F7: variants seen among roughly 807,000 people sequenced by gnomAD.
F7 encodes the protein FVII coagulation protein.
In F7, 38 loss-of-function variants were observed where a neutral mutation model predicts 47.5. The observed-to-expected ratio is 0.80, with a 90% CI of 0.62 to 1.05. F7 has a LOEUF of 1.05. F7 is among the 50% of genes least tolerant of loss of function. The probability of loss-of-function intolerance (pLI) is 0.00; values close to 1 mark genes in which losing one functional copy is unlikely to be tolerated. For synonymous variants in F7, 244 were observed against 258.5 expected (o/e 0.94, Z 0.54); for missense variants, 575 against 605.4 (o/e 0.95, Z 0.53).
chr13:113,109,995 G>T (rs1417160307), intron 1 of F7, among the ~76,000 whole-genome samples: 1 of 152,204 alleles, frequency 6.6e-6, no homozygotes, highest in Non-Finnish European at 1.5e-5. Flanking sequence ...AACCGTCGGG[G>T]TTACGGAGGG....
chr13:113,113,802 T>G lies in F7; in HGVS notation c.250+26T>G. ...GTGAGTGGATGATCACCACCAGTCC[T>G]GCCTGCAACCCTTCTCAGCTTACTG... On this transcript the variant is annotated intron_variant, in intron 3 of 7. Coordinates refer to ENST00000346342, the MANE Select transcript of F7 (RefSeq NM_019616.4). The surrounding 1 kb of genome is among the most constrained non-coding windows in gnomAD (Gnocchi z 4.1). 1 of 1,614,198 alleles carries G rather than the reference T, an allele frequency of 6.2e-7. No individual in the cohort carries two copies. The highest frequency in any genetic ancestry group is 8.5e-7 in the Non-Finnish European group (1 of 1,180,022).
intron 2 of F7, among the ~76,000 whole-genome samples, chr13:113,111,085 G>C (rs1310284196): frequency 6.6e-6 from 1 of 152,222 alleles, no homozygotes; most frequent in Non-Finnish European, 1.5e-5. Context: ...GCGCATGCCG[G>C]TTTTCACATC....
intron 2 of F7, among the ~76,000 whole-genome samples, chr13:113,111,327 G>A (rs947158950): frequency 6.6e-6 from 1 of 152,010 alleles, no homozygotes; most frequent in Non-Finnish European, 1.5e-5. Flanking sequence ...TCACGCTCAC[G>A]GGTCACCTCA....
intron 2 of F7, among the ~76,000 whole-genome samples, chr13:113,112,699 A>G (rs956297580): frequency 1.2e-4 from 17 of 138,708 alleles, no homozygotes; most frequent in African/African-American, 4.1e-4. Context: ...AGGACAACTC[A>G]CAGAGGTCAC....
intron 2 of F7, among the ~76,000 whole-genome samples, chr13:113,112,769 G>A (rs1364764833): frequency 6.9e-6 from 1 of 144,072 alleles, no homozygotes; most frequent in South Asian, 2.3e-4. Flanking sequence ...ACACTCATAG[G>A]TCACCTCAGT....
In F7 at chr13:113,117,571, C is replaced by G; in HGVS notation, c.714C>G (p.Asn238Lys). Reference protein sequence around the residue: ...SAAHCFDKIKNWRNLIAVLGE... With the variant: ...SAAHCFDKIKKWRNLIAVLGE... ...CCCACTGTTTCGACAAAATCAAGAA[C>G]TGGAGGAACCTGATCGCGGTGCTGG... The change falls in exon 7 of 8, where the codon AAC (asparagine) becomes AAG (lysine). Residue 238 changes from asparagine to lysine, a missense_variant. Physicochemically the swap from Asn to Lys is moderately conservative, Grantham distance 94. Transcript: ENST00000346342. The G allele has an allele frequency of 1.2e-6, 2 of 1,614,142 alleles. No individual in the cohort carries two copies. Among genetic ancestry groups the G allele is most frequent in the Non-Finnish European group, 1.7e-6 (2 of 1,180,018 alleles).
At chr13:113,117,617 T>C in intron 7 of F7, 21 bp downstream of exon 7, 1 of 1,510,032 alleles carries the variant, frequency 6.6e-7, no homozygotes, top group East Asian at 2.6e-5. Context: ...CTCTCCCCTG[T>C]CCGACCGCGG....
chr13:113,116,494 C>T (rs995104051), intron 5 of F7, among the ~76,000 whole-genome samples: 9 of 152,368 alleles, frequency 5.9e-5, no homozygotes, highest in African/African-American at 2.4e-5. Flanking sequence ...GGTTTTAAGA[C>T]GTAAGCCCTC....
Position 113,116,878 on chromosome 13 carries a change from A to G in F7, c.615+3A>G, listed in dbSNP as rs985833904. 3 of 1,609,158 alleles carry G rather than the reference A, an allele frequency of 1.9e-6. No individual in the cohort carries two copies. Among genetic ancestry groups the G allele is most frequent in the Admixed American group, 3.3e-5 (2 of 60,030 alleles). ...CCAAAGGGGAGTGTCCATGGCAGGTAAGGCTTCCCCTGGCTTCAGGATTCC... is the reference window on the plus strand; with the variant it reads ...CCAAAGGGGAGTGTCCATGGCAGGTGAGGCTTCCCCTGGCTTCAGGATTCC... On this transcript the variant is annotated splice_donor_region_variant and intron_variant, in intron 6 of 7. Coordinates refer to ENST00000346342, the MANE Select transcript of F7 (RefSeq NM_019616.4).
rs193292741 is a variant in F7 at position 113,111,061 on chromosome 13, C to G, written c.225+211C>G. Among the ~76,000 whole-genome samples the G allele has an allele frequency of 1.7e-3, 254 of 152,322 alleles. 3 individuals carry two copies. In the Middle Eastern group the frequency reaches 0.017, roughly 10 times the overall value. On this transcript the variant is annotated intron_variant, in intron 2 of 7. Coordinates refer to ENST00000346342, the MANE Select transcript of F7 (RefSeq NM_019616.4). ...CCCACCCCCAGGCACGCGCTCTCCC[C>G]GTGCGGCCGCACCGCGCATGCCGGT...
chr13:113,110,476 A>C, intron 1 of F7: 2 of 564,026 alleles, frequency 3.5e-6, no homozygotes, highest in East Asian at 3.5e-5. Flanking sequence ...AGCCCCCGGA[A>C]GCAGAGAGGC....
chr13:113,112,738 C>T, intron 2 of F7, among the ~76,000 whole-genome samples: 1 of 150,104 alleles, frequency 6.7e-6, no homozygotes, highest in Non-Finnish European at 1.5e-5. Context: ...CAAAGGTCAC[C>T]TCACACCCAC....
In F7 at chr13:113,118,669, C is replaced by A. The variant is rs1383271801; in HGVS notation, c.996C>A (p.Ala332=). Residue 332 remains alanine, a synonymous_variant, in exon 8 of 8, where the codon GCC becomes GCA. Transcript: ENST00000346342. ...WGQLLDRGAT[A]LELMVLNVPR... ...AGCTGCTGGACCGTGGCGCCACGGC[C>A]CTGGAGCTCATGGTCCTCAACGTGC... is the stretch of plus-strand genomic sequence containing the variant. 7 of 1,612,738 alleles carry A rather than the reference C, an allele frequency of 4.3e-6. No homozygotes were observed. The highest frequency in any genetic ancestry group is 2.5e-6 in the Non-Finnish European group (3 of 1,179,910).
At position 113,113,830 on chromosome 13, in the gene F7, A is replaced by G. The variant is rs755972259; in HGVS notation, c.251-17A>G. The G allele has an allele frequency of 1.9e-5, 30 of 1,614,060 alleles. No homozygotes were observed. The highest frequency in any genetic ancestry group is 2.4e-5 in the Non-Finnish European group (28 of 1,180,046). On this transcript the variant is annotated splice_polypyrimidine_tract_variant and intron_variant, in intron 3 of 7. Coordinates refer to ENST00000346342, the MANE Select transcript of F7 (RefSeq NM_019616.4). The surrounding 1 kb of genome is among the most constrained non-coding windows in gnomAD (Gnocchi z 4.1). ...CTGCAACCCTTCTCAGCTTACTGACACCAGCCCACTCCACAGATGGGGACC... is the reference window on the plus strand; with the variant it reads ...CTGCAACCCTTCTCAGCTTACTGACGCCAGCCCACTCCACAGATGGGGACC...
intron 1 of F7, 57 bp from the exon 2 acceptor site, chr13:113,110,633 C>T: frequency 6.5e-7 from 1 of 1,545,132 alleles, no homozygotes; most frequent in Non-Finnish European, 8.7e-7. Context: ...GTGGGGCGGT[C>T]TCCGAGGCAC....
chr13:113,111,406 C>T (rs2036091708), intron 2 of F7, among the ~76,000 whole-genome samples: 1 of 99,232 alleles, frequency 1.0e-5, no homozygotes, highest in African/African-American at 6.3e-5. Flanking sequence ...TCACCTCACA[C>T]TCACAGGACA....
chr13:113,119,006 T>A lies in F7; in HGVS notation c.1333T>A (p.Ter445LysextTer31). ...AGTCCTCCTGCGAGCCCCATTTCCC[T>A]AGCCCAGCAGCCCTGGCCTGTGGAG... is the stretch of plus-strand genomic sequence containing the variant. ...PGVLLRAPFP* is the reference protein window; with the variant it reads ...PGVLLRAPFPK The change falls in exon 8 of 8, where the codon TAG (stop) becomes AAG (lysine). Residue 445 changes from the stop codon to lysine (K), a stop_lost. Coordinates refer to ENST00000346342, the MANE Select transcript of F7 (RefSeq NM_019616.4). 2 of 1,598,890 alleles carry A rather than the reference T, an allele frequency of 1.3e-6. No individual in the cohort carries two copies. The highest frequency in any genetic ancestry group is 1.7e-6 in the Non-Finnish European group (2 of 1,179,804).
Position 113,116,666 on chromosome 13 carries a change from G to A in F7, c.506-100G>A. The A allele has an allele frequency of 4.0e-6, 4 of 991,274 alleles. 1 individual carries two copies. The highest frequency in any genetic ancestry group is 2.1e-4 in the Middle Eastern group (1 of 4,850). The allele number at this position is 991,274 out of a possible 1,614,324, so 61.4% of individuals were successfully genotyped here. On this transcript the variant is annotated intron_variant, in intron 5 of 7. Coordinates refer to ENST00000346342, the MANE Select transcript of F7 (RefSeq NM_019616.4). ...CTCCTGGGGGCCTCCCATAGCCTCG[G>A]CCTCAAGGCCTCTCAGAGGATGGGT...
intron 6 of F7, chr13:113,117,155 G>T (rs2142228295): frequency 1.3e-5 from 8 of 606,204 alleles, no homozygotes; most frequent in Non-Finnish European, 2.3e-5. Flanking sequence ...ACTCTTTGAG[G>T]TGGGATCTTT....
Sources: allele counts gnomAD v4.1 joint callset (sites outside exome capture counted in the v4.1 genomes callset), GRCh38; gene constraint gnomAD v4.1.1; non-coding constraint Gnocchi (gnomAD v3.1); transcripts MANE v1.5; gene names NCBI Gene and HGNC (gene_info 2026-07-23, HGNC 2026-07-21).